Variants in RFX3 observed in about 807,000 individuals in gnomAD.
RFX3 encodes regulatory factor X3.
RFX3 carries 14 observed loss-of-function variants against 98.6 expected under a neutral mutation model. The observed-to-expected ratio is 0.14, with a 90% CI of 0.09 to 0.22. The LOEUF (loss-of-function observed/expected upper bound fraction) is 0.22, where lower values mean the gene tolerates loss of function less well. RFX3 is among the 10% of genes least tolerant of loss of function. RFX3 has a pLI of 1.00. For synonymous variants in RFX3, 383 were observed against 328.4 expected, an observed-to-expected ratio of 1.17 and a Z score of -1.80; for missense variants, 639 against 926.9, an observed-to-expected ratio of 0.69 and a Z score of 4.03.
intron 1 of RFX3, among the ~76,000 whole-genome samples, chr9:3,506,035 G>A (rs1182120582): frequency 6.6e-6 from 1 of 151,714 alleles, no homozygotes; most frequent in African/African-American, 2.4e-5. Context: ...AGTGAAATGA[G>A]CATGTATATT....
At chr9:3,354,503 A>AAT (rs762235104) in intron 2 of RFX3, among the ~76,000 whole-genome samples, 103 of 152,144 alleles carry the variant, frequency 6.8e-4, no homozygotes, top group Non-Finnish European at 1.4e-3. Context: ...CCAGGCAGCA[A>AAT]ATATTAGAAT....
At chr9:3,451,228 A>T (rs1846596633) in intron 1 of RFX3, among the ~76,000 whole-genome samples, 1 of 152,334 alleles carries the variant, frequency 6.6e-6, no homozygotes, top group African/African-American at 2.4e-5. Context: ...AAAATCATAT[A>T]ATCCATGAGC....
intron 1 of RFX3, among the ~76,000 whole-genome samples, chr9:3,467,236 A>G (rs1475849172): frequency 6.9e-6 from 1 of 145,334 alleles, no homozygotes; most frequent in African/African-American, 2.5e-5. Context: ...ATATGTATAT[A>G]CAATATATAT....
intron 15 of RFX3, among the ~76,000 whole-genome samples, chr9:3,234,594 G>A (rs532049007): frequency 5.3e-5 from 8 of 152,214 alleles, no homozygotes; most frequent in African/African-American, 1.7e-4. Context: ...AACTGTGATC[G>A]TGCCACTGTA....
intron 13 of RFX3, among the ~76,000 whole-genome samples, chr9:3,259,507 G>GAAA (rs34394241): frequency 6.7e-6 from 1 of 148,884 alleles, no homozygotes; most frequent in Non-Finnish European, 1.5e-5. Flanking sequence ...TCTTAAATTA[G>GAAA]AAAAAAAAAA....
intron 1 of RFX3, among the ~76,000 whole-genome samples, chr9:3,401,602 T>C (rs993716325): frequency 5.3e-5 from 8 of 152,222 alleles, no homozygotes; most frequent in Non-Finnish European, 1.2e-4. Flanking sequence ...CCCTGCAGTT[T>C]GTCAATGATG....
intron 1 of RFX3, among the ~76,000 whole-genome samples, chr9:3,475,294 CA>C (rs916359763): frequency 6.6e-6 from 1 of 151,712 alleles, no homozygotes; most frequent in Non-Finnish European, 1.5e-5. Flanking sequence ...AGACACAAGA[CA>C]AAGAGATAAA....
chr9:3,297,958 T>C (rs141828120), intron 5 of RFX3, among the ~76,000 whole-genome samples: 1,602 of 152,018 alleles, frequency 0.011, 16 homozygotes, highest in African/African-American at 0.021. Context: ...TAAATACTAA[T>C]TCATATTAAT....
At chr9:3,434,688 A>G (rs1005160459) in intron 1 of RFX3, among the ~76,000 whole-genome samples, 2 of 151,568 alleles carry the variant, frequency 1.3e-5, no homozygotes, top group African/African-American at 4.9e-5. Flanking sequence ...CCTTCTCCCC[A>G]CCCTCCTTCT....
intron 4 of RFX3, among the ~76,000 whole-genome samples, chr9:3,321,023 C>T (rs1295733063): frequency 6.6e-6 from 1 of 151,710 alleles, no homozygotes; most frequent in East Asian, 1.9e-4. Context: ...CTGCCTCAGC[C>T]TCCCAAGTAG....
At chr9:3,366,693 C>CCTTCCTTTCTTTCTTTCTCT in intron 2 of RFX3, among the ~76,000 whole-genome samples, 1 of 85,452 alleles carries the variant, frequency 1.2e-5, no homozygotes, top group Non-Finnish European at 2.2e-5. Context: ...TTCTTTCTTT[C>CCTTCCTTTCTTTCTTTCTCT]CTTTCTTTCT....
intron 1 of RFX3, among the ~76,000 whole-genome samples, chr9:3,475,427 G>A (rs1020747573): frequency 6.6e-6 from 1 of 151,918 alleles, no homozygotes; most frequent in Non-Finnish European, 1.5e-5. Context: ...GGTAAGGAGT[G>A]TGAGTCATCT....
chr9:3,221,536 CAAGAA>C lies in RFX3; in HGVS notation c.*3501_*3505del, dbSNP rs1300781500. On this transcript the variant is annotated 3_prime_UTR_variant, in exon 17 of 17. Transcript: ENST00000617270. The stretch of plus-strand genomic sequence containing the variant: ...GGTGCATAAACCGTGCTATACAGTA[CAAGAA>C]AAATCACACAAAGGAAAGCAGATTT... 6.6e-6 allele frequency: 1 copy of C among 152,050 alleles called. No individual in the cohort carries two copies. Among genetic ancestry groups the C allele is most frequent in the Non-Finnish European group, 1.5e-5 (1 of 67,978 alleles). The allele number at this position is 152,050 out of a possible 1,614,324, so 9.4% of individuals were successfully genotyped here.
chr9:3,504,505 G>A (rs1339273515), intron 1 of RFX3, among the ~76,000 whole-genome samples: 1 of 123,790 alleles, frequency 8.1e-6, no homozygotes, highest in Admixed American at 9.5e-5. Flanking sequence ...ATGCCATATG[G>A]TATATATTGC....
At chr9:3,231,470 T>C (rs1449031370) in intron 15 of RFX3, among the ~76,000 whole-genome samples, 2 of 152,182 alleles carry the variant, frequency 1.3e-5, no homozygotes, top group Non-Finnish European at 2.9e-5. Context: ...CAGCCAATTC[T>C]AGTCAGATCA....
intron 6 of RFX3, among the ~76,000 whole-genome samples, chr9:3,289,132 A>G (rs576579253): frequency 1.3e-5 from 2 of 152,282 alleles, no homozygotes; most frequent in South Asian, 2.1e-4. Context: ...AAGTCCATAT[A>G]TAGCAATACA....
At chr9:3,252,312 G>T (rs1355822656) in intron 14 of RFX3, among the ~76,000 whole-genome samples, 1 of 152,116 alleles carries the variant, frequency 6.6e-6, no homozygotes, top group Non-Finnish European at 1.5e-5. Context: ...AAAAGTTCAC[G>T]TTCTGTTAGG....
At chr9:3,483,597 A>T (rs1212306784) in intron 1 of RFX3, among the ~76,000 whole-genome samples, 1 of 152,194 alleles carries the variant, frequency 6.6e-6, no homozygotes, top group East Asian at 1.9e-4. Flanking sequence ...AATCAGACAC[A>T]TTGATACCTA....
At chr9:3,231,820 T>C (rs1563770931) in intron 15 of RFX3, among the ~76,000 whole-genome samples, 1 of 151,964 alleles carries the variant, frequency 6.6e-6, no homozygotes. Flanking sequence ...TCCCAGCACT[T>C]TGGGAGGCTG....
Sources: allele counts gnomAD v4.1 joint callset (sites outside exome capture counted in the v4.1 genomes callset), GRCh38; gene constraint gnomAD v4.1.1; transcripts MANE v1.5; gene names NCBI Gene and HGNC (gene_info 2026-07-23, HGNC 2026-07-21).